The following PDE1C variants were observed in gnomAD, a reference collection of about 807,000 sequenced individuals.
PDE1C encodes phosphodiesterase 1C.
Under a neutral mutation model 93.1 loss-of-function variants are expected in PDE1C, and 62 were observed. That is an observed-to-expected ratio of 0.67 (90% confidence interval 0.54 to 0.82). The LOEUF is 0.82. PDE1C is among the 40% of genes least tolerant of loss of function. The pLI is 0.00. For missense variants in PDE1C, 742 were observed against 884.6 expected (o/e 0.84, Z 2.04); for synonymous variants, 325 against 310.1 (o/e 1.05, Z -0.50).
chr7:31,780,125 C>A lies in PDE1C; in HGVS notation c.1892-4393G>T, dbSNP rs558881464. Among the ~76,000 whole-genome samples the A allele has an allele frequency of 5.9e-5, 9 of 152,268 alleles. No individual in the cohort carries two copies. The South Asian group carries it at 1.0e-3, about 18-fold the overall frequency. ...CAATATGCTGACACCTGACCCTTCACCCCAAGATGCTGTTTAGTTGGTCTG... is the reference window on the plus strand; with the variant it reads ...CAATATGCTGACACCTGACCCTTCAACCCAAGATGCTGTTTAGTTGGTCTG... On this transcript the variant is annotated intron_variant, in intron 16 of 17. Coordinates refer to ENST00000396191, the MANE Select transcript of PDE1C (RefSeq NM_001191057.4).
chr7:32,060,052 G>A (rs1439599724), intron 1 of PDE1C, among the ~76,000 whole-genome samples: 2 of 152,230 alleles, frequency 1.3e-5, no homozygotes, highest in Non-Finnish European at 2.9e-5. Flanking sequence ...TGACGGCACT[G>A]CCAAAGTAGA....
At chr7:32,240,046 G>A (rs1005228471) in intron 1 of PDE1C, among the ~76,000 whole-genome samples, 2 of 152,178 alleles carry the variant, frequency 1.3e-5, no homozygotes, top group Non-Finnish European at 2.9e-5. Context: ...CATGCACCAT[G>A]AGTTAGAGGT....
chr7:32,239,346 T>C (rs535410980), intron 1 of PDE1C, among the ~76,000 whole-genome samples: 4 of 152,294 alleles, frequency 2.6e-5, no homozygotes, highest in East Asian at 1.9e-4. Context: ...TGAGCTATGA[T>C]TGCACTATTA....
At chr7:31,629,054 T>C in the PDE1C span, among the ~76,000 whole-genome samples, 1 of 152,188 alleles carries the variant, frequency 6.6e-6, no homozygotes, top group African/African-American at 2.4e-5. Flanking sequence ...AACCTATCTA[T>C]TGTCTCAGGT....
intron 3 of PDE1C, among the ~76,000 whole-genome samples, chr7:32,126,457 A>G (rs1799586186): frequency 6.6e-6 from 1 of 152,176 alleles, no homozygotes; most frequent in African/African-American, 2.4e-5. Context: ...AAAGAGCACA[A>G]TGAAAGGTAA....
intron 1 of PDE1C, among the ~76,000 whole-genome samples, chr7:32,331,043 T>G (rs1783503728): frequency 6.6e-6 from 1 of 151,010 alleles, no homozygotes. Context: ...AGGCAAGACC[T>G]TGACCTACAC....
At chr7:32,197,212 T>C (rs1804687324) in intron 2 of PDE1C, among the ~76,000 whole-genome samples, 1 of 152,148 alleles carries the variant, frequency 6.6e-6, no homozygotes, top group Admixed American at 6.5e-5. Flanking sequence ...CTAAACATTA[T>C]TAGTCATTAG....
chr7:32,011,669 G>A (rs1243983712), intron 2 of PDE1C, among the ~76,000 whole-genome samples: 1 of 152,224 alleles, frequency 6.6e-6, no homozygotes, highest in African/African-American at 2.4e-5. Flanking sequence ...TAAAAAGGCT[G>A]ATTGTGCCAA....
At chr7:31,651,385 G>A in the PDE1C span, 1 of 1,219,376 alleles carries the variant, frequency 8.2e-7, no homozygotes, top group African/African-American at 1.6e-5. Flanking sequence ...AAACCGGCCA[G>A]CTTTTCCTTT....
the PDE1C span, chr7:31,695,523 A>C: frequency 6.2e-7 from 1 of 1,613,818 alleles, no homozygotes; most frequent in East Asian, 2.2e-5. Flanking sequence ...AAGCCTAGAA[A>C]GGGAAAAAAT....
At chr7:31,625,106 T>G in the PDE1C span, among the ~76,000 whole-genome samples, 17 of 152,218 alleles carry the variant, frequency 1.1e-4, no homozygotes, top group African/African-American at 4.1e-4. Flanking sequence ...TGGCAATCAT[T>G]AAGAAGTCGG....
intron 1 of PDE1C, among the ~76,000 whole-genome samples, chr7:32,331,147 A>T (rs11520787): frequency 0.12 from 18,977 of 152,204 alleles, 1,480 homozygotes; most frequent in East Asian, 0.39. Flanking sequence ...CACTGAAGTT[A>T]GGTGAGTGAC....
At chr7:32,274,156 T>G (rs886612444) in intron 1 of PDE1C, among the ~76,000 whole-genome samples, 5 of 152,254 alleles carry the variant, frequency 3.3e-5, no homozygotes, top group African/African-American at 1.2e-4. Flanking sequence ...AAATGAAATT[T>G]TACACAGAAC....
At chr7:32,000,368 T>C (rs1246989761) in intron 2 of PDE1C, among the ~76,000 whole-genome samples, 1 of 152,062 alleles carries the variant, frequency 6.6e-6, no homozygotes, top group Admixed American at 6.5e-5. Flanking sequence ...TTCCTGATGC[T>C]ATAAGAGGGA....
chr7:32,318,056 G>A (rs1783211184), intron 1 of PDE1C, among the ~76,000 whole-genome samples: 1 of 152,264 alleles, frequency 6.6e-6, no homozygotes, highest in East Asian at 1.9e-4. Context: ...GCACCAGACT[G>A]CCCACGTTAT....
intron 2 of PDE1C, among the ~76,000 whole-genome samples, chr7:31,934,036 C>T (rs1203217152): frequency 6.6e-6 from 1 of 152,164 alleles, no homozygotes; most frequent in Non-Finnish European, 1.5e-5. Context: ...TATTCCACTT[C>T]ATGCTTTTCC....
At position 31,823,133 on chromosome 7, in the gene PDE1C, C is replaced by T; in HGVS notation, c.1522G>A (p.Ala508Thr). 6.2e-7 allele frequency: 1 copy of T among 1,613,382 alleles called. No homozygotes were observed. The highest frequency in any genetic ancestry group is 8.5e-7 in the Non-Finnish European group (1 of 1,179,544). ...VISVDYKSFK[A>T]TWTEVVHINR... ...ATGTGCACCACTTCCGTCCAAGTAG[C>T]TTTAAAGCTCTTATAGTCAACGGAG... The change falls in exon 14 of 18, where the codon GCT becomes ACT. Residue 508 changes from alanine (A) to threonine (T), a missense_variant. Physicochemically the swap from Ala to Thr is moderately conservative, Grantham distance 58. Transcript: ENST00000396191.
chr7:32,391,106 T>C (rs61541926), intron 1 of PDE1C, among the ~76,000 whole-genome samples: 2,682 of 152,132 alleles, frequency 0.018, 38 homozygotes, highest in Middle Eastern at 0.041. Context: ...AGACTGCATT[T>C]AAAATTTTTA....
chr7:32,175,722 G>A (rs917181264), intron 2 of PDE1C, among the ~76,000 whole-genome samples: 6 of 152,118 alleles, frequency 3.9e-5, no homozygotes, highest in Non-Finnish European at 8.8e-5. Flanking sequence ...CCAATCCATC[G>A]AAGTGTTTGA....
Sources: gnomAD v4.1 joint callset for allele counts (sites outside exome capture counted in the v4.1 genomes callset) on GRCh38, gnomAD v4.1.1 for gene constraint, MANE v1.5 for transcripts, NCBI Gene and HGNC (gene_info 2026-07-23, HGNC 2026-07-21) for gene names.